The following PHF24 variants were observed in gnomAD, a reference collection of about 807,000 sequenced individuals.
The protein encoded by PHF24 is PHD finger protein 24, also known as Galpha inhibitory interacting protein.
A neutral mutation model predicts 42.6 loss-of-function variants in PHF24; 25 were observed. The ratio of observed to expected loss-of-function variants is 0.59; its 90% CI spans 0.43 to 0.82. PHF24 has a LOEUF of 0.82. PHF24 is among the 40% of genes least tolerant of loss of function. The probability of loss-of-function intolerance (pLI) is 0.00; values close to 1 mark genes in which losing one functional copy is unlikely to be tolerated. For missense variants in PHF24, 470 were observed against 538.1 expected, an observed-to-expected ratio of 0.87 and a Z score of 1.25; for synonymous variants, 185 against 204.8, an observed-to-expected ratio of 0.90 and a Z score of 0.83.
At chr9:34,709,063 A>C in the PHF24 span, 3,545 of 410,088 alleles carry the variant, frequency 8.6e-3, 126 homozygotes, top group African/African-American at 0.067. Flanking sequence ...ATTTACAAGG[A>C]AGAGGTGGGG....
the PHF24 span, among the ~76,000 whole-genome samples, chr9:34,936,059 C>CTCTCCCTCTCCCCACGG: frequency 6.6e-6 from 1 of 151,570 alleles, no homozygotes; most frequent in Admixed American, 6.6e-5. Flanking sequence ...CCCCCTCTCC[C>CTCTCCCTCTCCCCACGG]TCTCCCTCTC....
chr9:34,932,305 T>C, the PHF24 span, among the ~76,000 whole-genome samples: 2 of 152,080 alleles, frequency 1.3e-5, no homozygotes, highest in Non-Finnish European at 2.9e-5. Flanking sequence ...ACTCCAGGGA[T>C]GTGGTAAGAG....
At chr9:34,846,108 T>C in the PHF24 span, among the ~76,000 whole-genome samples, 1 of 152,156 alleles carries the variant, frequency 6.6e-6, no homozygotes, top group Non-Finnish European at 1.5e-5. Flanking sequence ...CATTTGGGTA[T>C]ATACCCAGTA....
chr9:34,700,129 G>A, the PHF24 span, among the ~76,000 whole-genome samples: 7 of 152,332 alleles, frequency 4.6e-5, no homozygotes, highest in African/African-American at 1.4e-4. Context: ...GAGGCCAAAA[G>A]GGGAGGGTGG....
chr9:34,860,082 T>G, the PHF24 span, among the ~76,000 whole-genome samples: 1 of 152,196 alleles, frequency 6.6e-6, no homozygotes, highest in Non-Finnish European at 1.5e-5. Flanking sequence ...CTCCATCTTC[T>G]CAACTCATGG....
the PHF24 span, among the ~76,000 whole-genome samples, chr9:34,910,590 TGTAA>T: frequency 1.3e-5 from 2 of 152,242 alleles, no homozygotes; most frequent in Admixed American, 6.5e-5. Context: ...AATTAAAATA[TGTAA>T]GTAAATGTTT....
At chr9:34,967,112 A>G (rs928010721) in intron 1 of PHF24, among the ~76,000 whole-genome samples, 1 of 152,030 alleles carries the variant, frequency 6.6e-6, no homozygotes, top group Non-Finnish European at 1.5e-5. Flanking sequence ...GGTTTTCTTT[A>G]GTCAGAGGTA....
chr9:34,716,101 C>G, the PHF24 span, among the ~76,000 whole-genome samples: 443 of 152,290 alleles, frequency 2.9e-3, 2 homozygotes, highest in African/African-American at 9.2e-3. Context: ...CCTGGGTTCT[C>G]AGCGGAGCAT....
chr9:34,942,002 A>G, the PHF24 span, among the ~76,000 whole-genome samples: 1 of 152,270 alleles, frequency 6.6e-6, no homozygotes, highest in Admixed American at 6.5e-5. Flanking sequence ...AGGGCACACC[A>G]TTGGTCTCTA....
chr9:34,711,942 A>ATTTG, the PHF24 span, among the ~76,000 whole-genome samples: 23,058 of 151,668 alleles, frequency 0.15, 2,414 homozygotes, highest in East Asian at 0.56. Flanking sequence ...TTCCTTTAGC[A>ATTTG]TTTGTTTGTT....
chr9:34,887,993 GT>G, the PHF24 span, among the ~76,000 whole-genome samples: 1 of 151,862 alleles, frequency 6.6e-6, no homozygotes, highest in African/African-American at 2.4e-5. Context: ...ATTTTACTGT[GT>G]TTTTTTTTTA....
the PHF24 span, among the ~76,000 whole-genome samples, chr9:34,749,762 C>T: frequency 2.6e-5 from 4 of 151,220 alleles, no homozygotes; most frequent in African/African-American, 7.3e-5. Context: ...TCCTAATGCT[C>T]TCCCTCCCCT....
the PHF24 span, among the ~76,000 whole-genome samples, chr9:34,686,083 A>G: frequency 6.6e-6 from 1 of 152,194 alleles, no homozygotes; most frequent in Admixed American, 6.5e-5. Flanking sequence ...GTGGTGAATT[A>G]GCTAATACTC....
intron 1 of PHF24, among the ~76,000 whole-genome samples, chr9:34,966,913 A>C (rs916490243): frequency 2.0e-5 from 3 of 150,760 alleles, no homozygotes; most frequent in Non-Finnish European, 4.4e-5. Flanking sequence ...CCAATCAATC[A>C]TTTTTTTTTA....
At chr9:34,852,216 A>G in the PHF24 span, among the ~76,000 whole-genome samples, 54,502 of 152,082 alleles carry the variant, frequency 0.36, 10,125 homozygotes, top group East Asian at 0.67. Flanking sequence ...AATACAAGAT[A>G]TAATACATAT....
the PHF24 span, chr9:34,918,013 G>A: frequency 0.019 from 24,255 of 1,267,470 alleles, 706 homozygotes; most frequent in East Asian, 0.11. Flanking sequence ...TTAAGCAAGC[G>A]ACACCAGTAC....
intron 5 of PHF24, 90 bp downstream of exon 5, chr9:34,976,830 T>TG: frequency 8.6e-7 from 1 of 1,168,020 alleles, no homozygotes; most frequent in African/African-American, 1.5e-5. Context: ...CACTGGGTCC[T>TG]GCTCAAGCAG....
chr9:34,835,271 G>A, the PHF24 span: 2 of 1,552,164 alleles, frequency 1.3e-6, no homozygotes, highest in South Asian at 1.2e-5. Flanking sequence ...GACCTGAGAA[G>A]TATTATTCAG....
upstream of PHF24, chr9:34,958,224 GCGCGCCGC>G (rs1826445074): frequency 1.5e-5 from 2 of 133,684 alleles, no homozygotes; most frequent in Non-Finnish European, 2.9e-5. This position sits in a 1 kb window ranked among gnomAD's most constrained non-coding sequence, Gnocchi z 4.5. Context: ...CTCCGGCCGC[GCGCGCCGC>G]CGCCGCCGCC....
Sources: allele counts gnomAD v4.1 joint callset (sites outside exome capture counted in the v4.1 genomes callset), GRCh38; gene constraint gnomAD v4.1.1; non-coding constraint Gnocchi (gnomAD v3.1); transcripts MANE v1.5; gene names NCBI Gene and HGNC (gene_info 2026-07-23, HGNC 2026-07-21).